ACSS1: variants seen among roughly 807,000 people sequenced by gnomAD.
The protein encoded by ACSS1 is acyl-CoA synthetase short chain family member 1.
ACSS1 carries 42 observed loss-of-function variants against 75.3 expected under a neutral mutation model. The ratio of observed to expected loss-of-function variants is 0.56; its 90% CI spans 0.44 to 0.72. The LOEUF (loss-of-function observed/expected upper bound fraction) is 0.72, where lower values mean the gene tolerates loss of function less well. Among genes scored for constraint, ACSS1 ranks in the 30% least tolerant of loss-of-function variants. The pLI, the probability that ACSS1 is intolerant of heterozygous loss-of-function variation, is 0.00. For synonymous variants in ACSS1, 380 were observed against 376.8 expected (o/e 1.01, Z -0.10); for missense variants, 782 against 935.7 (o/e 0.84, Z 2.14).
intron 1 of ACSS1, among the ~76,000 whole-genome samples, chr20:25,052,983 A>T (rs7270177): frequency 0.033 from 4,957 of 151,210 alleles, 263 homozygotes; most frequent in African/African-American, 0.12. Flanking sequence ...CATCCCTCAC[A>T]CTCACACACC....
intron 7 of ACSS1, 69 bp from the exon 8 acceptor site, chr20:25,015,299 G>GT: frequency 7.6e-7 from 1 of 1,314,476 alleles, no homozygotes; most frequent in South Asian, 1.3e-5. Context: ...GGGAAGTTTT[G>GT]TTTTTTGTTT....
chr20:25,009,759 C>T, intron 12 of ACSS1: 1 of 193,898 alleles, frequency 5.2e-6, no homozygotes, highest in Non-Finnish European at 1.1e-5. Flanking sequence ...TGAGAAGGTG[C>T]ACAGATGCAC....
In ACSS1 at chr20:25,007,833, C is replaced by A; in HGVS notation, c.1999G>T (p.Asp667Tyr). 1 of 1,614,200 alleles carries A rather than the reference C, an allele frequency of 6.2e-7. No individual in the cohort carries two copies. The highest frequency in any genetic ancestry group is 8.5e-7 in the Non-Finnish European group (1 of 1,180,022). ...AGGATCTCTGCGATGATGCTGGGGT[C>A]CTCCAAGGTGGTAGTGTCTCCCAGC... ...QELGDTTTLE[D>Y]PSIIAEILSV... Residue 667 changes from aspartate (D) to tyrosine (Y), a missense_variant, in exon 14 of 14, where the codon GAC (aspartate) becomes TAC (tyrosine). Asp to Tyr is a radical substitution (Grantham distance 160). Transcript: ENST00000323482.
chr20:25,028,852 G>A (rs376689063), intron 3 of ACSS1, among the ~76,000 whole-genome samples: 6 of 152,024 alleles, frequency 3.9e-5, no homozygotes, highest in East Asian at 1.9e-4. Flanking sequence ...CCCAGGAGGC[G>A]GAGGTTGCAG....
chr20:25,012,473 G>C, intron 12 of ACSS1, 128 bp downstream of exon 12: 4 of 1,165,028 alleles, frequency 3.4e-6, no homozygotes, highest in Non-Finnish European at 5.0e-6. Context: ...TGAGAGAGAA[G>C]AACACTGAGA....
chr20:25,021,574 C>G, intron 5 of ACSS1, 38 bp from the exon 6 acceptor site: 1 of 1,604,338 alleles, frequency 6.2e-7, no homozygotes. Context: ...AGCTTGTCCC[C>G]CCACTCCACC....
intron 13 of ACSS1, among the ~76,000 whole-genome samples, chr20:25,008,590 A>G (rs1221433738): frequency 2.0e-5 from 3 of 152,290 alleles, no homozygotes; most frequent in Non-Finnish European, 4.4e-5. Context: ...AGGGCCGCCA[A>G]ACCCAGAGTC....
At position 25,006,650 on chromosome 20, in the gene ACSS1, CA is replaced by C; in HGVS notation, c.*1111del. 1 of 685,650 alleles carries C rather than the reference CA, an allele frequency of 1.5e-6. No individual in the cohort carries two copies. The highest frequency in any genetic ancestry group is 2.1e-5 in the South Asian group (1 of 47,164). The allele number at this position is 685,650 out of a possible 1,614,324, so 42.5% of individuals were successfully genotyped here. ...TGGGCCTCCTTCCCCTGCCAACCGC[CA>C]GCCCCTGCATGCCTAGCAGGGAGGT... is the stretch of plus-strand genomic sequence containing the variant. On this transcript the variant is annotated 3_prime_UTR_variant, in exon 14 of 14. Transcript: ENST00000323482.
At chr20:25,014,807 C>T (rs546097726) in intron 8 of ACSS1, among the ~76,000 whole-genome samples, 1 of 152,282 alleles carries the variant, frequency 6.6e-6, no homozygotes, top group African/African-American at 2.4e-5. Context: ...GGACACGGCC[C>T]CTGAGCTCCT....
At chr20:25,011,115 A>G (rs2088400349) in intron 12 of ACSS1, 1 of 152,262 alleles carries the variant, frequency 6.6e-6, no homozygotes, top group South Asian at 2.1e-4. Flanking sequence ...AAGCCTGGCA[A>G]CACCAGACTT....
At chr20:25,018,381 T>C (rs2088557080) in intron 7 of ACSS1, among the ~76,000 whole-genome samples, 1 of 152,136 alleles carries the variant, frequency 6.6e-6, no homozygotes, top group South Asian at 2.1e-4. Context: ...AGTTTCAGGG[T>C]ATTCTATTAC....
At chr20:25,044,581 C>G (rs1458780122) in intron 2 of ACSS1, among the ~76,000 whole-genome samples, 1 of 152,132 alleles carries the variant, frequency 6.6e-6, no homozygotes, top group Non-Finnish European at 1.5e-5. Flanking sequence ...CCACTACACT[C>G]CAGCCTGGGT....
intron 1 of ACSS1, among the ~76,000 whole-genome samples, chr20:25,055,526 C>G (rs939094935): frequency 2.0e-5 from 3 of 152,218 alleles, no homozygotes; most frequent in Non-Finnish European, 4.4e-5. Context: ...TGGTTTGAGG[C>G]GTACAGGCCA....
intron 4 of ACSS1, 78 bp downstream of exon 4, chr20:25,023,387 GA>G: frequency 6.4e-7 from 1 of 1,557,926 alleles, no homozygotes; most frequent in Non-Finnish European, 8.7e-7. Flanking sequence ...CCCAAATTGA[GA>G]ACCACAACCC....
intron 3 of ACSS1, among the ~76,000 whole-genome samples, chr20:25,025,688 C>T (rs549420624): frequency 6.6e-6 from 1 of 152,112 alleles, no homozygotes; most frequent in Non-Finnish European, 1.5e-5. Flanking sequence ...TTAAGGTCGC[C>T]TTTTCCTTGC....
intron 1 of ACSS1, among the ~76,000 whole-genome samples, chr20:25,051,056 G>T (rs548284344): frequency 1.3e-5 from 2 of 152,316 alleles, no homozygotes; most frequent in Admixed American, 6.5e-5. Context: ...GCCTCTCCCT[G>T]CTGACCGGGC....
Position 25,023,512 on chromosome 20 carries a change from G to C in ACSS1, c.761C>G (p.Thr254Arg). The change falls in exon 4 of 14, where the codon ACA becomes AGA. Residue 254 changes from threonine to arginine, a missense_variant. Coordinates refer to ENST00000323482, the MANE Select transcript of ACSS1 (RefSeq NM_032501.4). ...TVQHVLVAHR[T>R]DNKVHMGDLD... ...ATCCCCCATGTGGACCTTGTTGTCTGTCCTGTGAGCCACCAGGACATGCTG... is the reference window on the plus strand; with the variant it reads ...ATCCCCCATGTGGACCTTGTTGTCTCTCCTGTGAGCCACCAGGACATGCTG... 1.2e-6 allele frequency: 2 copies of C among 1,614,146 alleles called. No individual in the cohort carries two copies. Among genetic ancestry groups the C allele is most frequent in the African/African-American group, 1.3e-5 (1 of 75,042 alleles).
At chr20:25,040,253 G>T (rs112962521) in intron 2 of ACSS1, among the ~76,000 whole-genome samples, 5,103 of 152,182 alleles carry the variant, frequency 0.034, 272 homozygotes, top group African/African-American at 0.11. Flanking sequence ...GAGCCCATTC[G>T]GCTGCCACAG....
intron 2 of ACSS1, chr20:25,046,881 A>C: frequency 1.3e-6 from 1 of 779,674 alleles, no homozygotes; most frequent in East Asian, 2.4e-5. Context: ...GACTAGAGAT[A>C]AGAAATGCGT....
Sources: gnomAD v4.1 joint callset for allele counts (sites outside exome capture counted in the v4.1 genomes callset) on GRCh38, gnomAD v4.1.1 for gene constraint, MANE v1.5 for transcripts, NCBI Gene and HGNC (gene_info 2026-07-23, HGNC 2026-07-21) for gene names.